WDR49: variants seen among roughly 807,000 people sequenced by gnomAD.
WDR49 encodes the protein cilia- and flagella-associated protein 337.
A neutral mutation model predicts 119.5 loss-of-function variants in WDR49; 107 were observed. That is an observed-to-expected ratio of 0.90 (90% CI 0.77 to 1.05). The LOEUF (loss-of-function observed/expected upper bound fraction) is 1.05, where lower values mean the gene tolerates loss of function less well. Ranked by LOEUF, WDR49 falls within the 50% of genes least tolerant of loss-of-function variation. The probability of loss-of-function intolerance (pLI) is 0.00; values close to 1 mark genes in which losing one functional copy is unlikely to be tolerated. For synonymous variants in WDR49, 425 were observed against 418.8 expected (o/e 1.01, Z -0.18); for missense variants, 1,240 against 1,220.5 (o/e 1.02, Z -0.24).
intron 3 of WDR49, among the ~76,000 whole-genome samples, chr3:167,624,721 C>T (rs931331245): frequency 2.0e-5 from 3 of 152,020 alleles, no homozygotes; most frequent in Admixed American, 1.3e-4. Flanking sequence ...TAGTTCAGTG[C>T]TGAAAAGAAG....
chr3:167,572,493 A>C (rs1482767138), intron 8 of WDR49, among the ~76,000 whole-genome samples: 1 of 152,238 alleles, frequency 6.6e-6, no homozygotes, highest in African/African-American at 2.4e-5. Context: ...ATGTTCAAGA[A>C]AGACACCAAG....
intron 2 of WDR49, among the ~76,000 whole-genome samples, chr3:167,635,835 A>G (rs1717590938): frequency 6.6e-6 from 1 of 151,742 alleles, no homozygotes; most frequent in Non-Finnish European, 1.5e-5. Context: ...ATTAATAAAT[A>G]CATATTAAAG....
Position 167,478,984 on chromosome 3 carries a change from A to G in WDR49, c.3044T>C (p.Val1015Ala), listed in dbSNP as rs761148435. Residue 1015 changes from valine (V) to alanine (A), a missense_variant, in exon 19 of 19, where the codon GTA (valine) becomes GCA (alanine). Physicochemically the swap from Val to Ala is moderately conservative, Grantham distance 64 (BLOSUM62 0). Coordinates refer to ENST00000682715, the MANE Select transcript of WDR49 (RefSeq NM_001366157.1). ...GGGAAACAGGTTTTTCTCATCAAAT[A>G]CAGCTTTCAAAGCTACAAAATGATG... ...APSLFKTLKA[V>A]FDEKNLFPKE... 7.5e-6 allele frequency: 12 copies of G among 1,603,116 alleles called. No individual in the cohort carries two copies. The highest frequency in any genetic ancestry group is 5.7e-5 in the South Asian group (5 of 88,354).
chr3:167,550,978 T>G (rs1260802791), intron 10 of WDR49, among the ~76,000 whole-genome samples: 1 of 151,958 alleles, frequency 6.6e-6, no homozygotes, highest in Non-Finnish European at 1.5e-5. Flanking sequence ...TTCAACCAGG[T>G]ATTTGTGAAT....
Position 167,500,230 on chromosome 3 carries a change from A to C in WDR49, c.2954T>G (p.Leu985Arg), listed in dbSNP as rs1560252780. 8 of 1,605,652 alleles carry C rather than the reference A, an allele frequency of 5.0e-6. No homozygotes were observed. Among genetic ancestry groups the C allele is most frequent in the Non-Finnish European group, 6.8e-6 (8 of 1,177,688 alleles). The change falls in exon 18 of 19, where the codon CTA (leucine) becomes CGA (arginine). Residue 985 changes from leucine (L) to arginine (R), a missense_variant. Physicochemically the swap from Leu to Arg is moderately radical, Grantham distance 102. Coordinates refer to ENST00000682715, the MANE Select transcript of WDR49 (RefSeq NM_001366157.1). The part of the protein sequence containing the change: ...LPEVNKPAFL[L>R]DPEKYFRKEP... ...TTTCCTAAAGTATTTCTCAGGGTCT[A>C]GAAGGAAAGCAGGTTTATTCACTTC...
intron 10 of WDR49, among the ~76,000 whole-genome samples, chr3:167,549,718 T>C (rs2108261631): frequency 6.6e-6 from 1 of 152,324 alleles, no homozygotes; most frequent in Non-Finnish European, 1.5e-5. Flanking sequence ...TTTGTCAATT[T>C]TGGCTTTTGT....
At chr3:167,582,969 T>TACACAC (rs142100499) in intron 7 of WDR49, among the ~76,000 whole-genome samples, 4 of 137,606 alleles carry the variant, frequency 2.9e-5, no homozygotes, top group East Asian at 4.2e-4. Context: ...CACACACACA[T>TACACAC]ACACACACAC....
At chr3:167,540,496 C>G (rs1222172076) in intron 10 of WDR49, among the ~76,000 whole-genome samples, 1 of 152,080 alleles carries the variant, frequency 6.6e-6, no homozygotes, top group Non-Finnish European at 1.5e-5. Flanking sequence ...GGGGAAGGGA[C>G]AGTGCACCAC....
intron 8 of WDR49, among the ~76,000 whole-genome samples, chr3:167,572,781 G>C (rs963066460): frequency 1.2e-4 from 19 of 152,220 alleles, no homozygotes; most frequent in Admixed American, 1.2e-3. Context: ...AGAAGTAAGT[G>C]TGGGTTGAGA....
Position 167,576,147 on chromosome 3 carries a change from A to C in WDR49, c.1280T>G (p.Leu427Trp). The change falls in exon 8 of 19, where the codon TTG becomes TGG. Residue 427 changes from leucine (L) to tryptophan (W), a missense_variant. By Grantham distance (61) the Leu-to-Trp change is moderately conservative (BLOSUM62 -2). Transcript: ENST00000682715. ...QLFSFSKDKVLRLWDIQHQLS... is the reference protein window; with the variant it reads ...QLFSFSKDKVWRLWDIQHQLS... Reference sequence around the variant, plus strand: ...CTGGTGTTGAATATCCCAGAGTCTCAAAACCTGGATGAAAAGTGATAAAAT... The same window carrying C: ...CTGGTGTTGAATATCCCAGAGTCTCCAAACCTGGATGAAAAGTGATAAAAT... 1 of 1,612,812 alleles carries C rather than the reference A, an allele frequency of 6.2e-7. No homozygotes were observed. The highest frequency in any genetic ancestry group is 8.5e-7 in the Non-Finnish European group (1 of 1,179,360).
chr3:167,483,898 TCATTAA>T (rs756371527), intron 18 of WDR49, among the ~76,000 whole-genome samples: 2 of 152,220 alleles, frequency 1.3e-5, no homozygotes, highest in South Asian at 2.1e-4. Flanking sequence ...AAAAATGATG[TCATTAA>T]CTTAACATCT....
At chr3:167,609,314 G>T (rs1464485030) in intron 5 of WDR49, among the ~76,000 whole-genome samples, 2 of 152,138 alleles carry the variant, frequency 1.3e-5, no homozygotes, top group Non-Finnish European at 2.9e-5. Flanking sequence ...AAAAAAAACA[G>T]TACTGAATCA....
At chr3:167,528,871 T>A (rs1449897577) in intron 14 of WDR49, among the ~76,000 whole-genome samples, 181 bp downstream of exon 14, 1 of 152,126 alleles carries the variant, frequency 6.6e-6, no homozygotes, top group Non-Finnish European at 1.5e-5. Context: ...AAAAACATGA[T>A]TTTCCTCATT....
chr3:167,593,859 G>T (rs368795101), intron 7 of WDR49, among the ~76,000 whole-genome samples: 1 of 152,096 alleles, frequency 6.6e-6, no homozygotes, highest in Admixed American at 6.6e-5. Flanking sequence ...CCCCCATGCT[G>T]TTCTCATGAT....
upstream of WDR49, among the ~76,000 whole-genome samples, chr3:167,657,021 C>T (rs561682800): frequency 3.3e-5 from 5 of 152,102 alleles, no homozygotes; most frequent in African/African-American, 7.2e-5. Flanking sequence ...TTCTCCCCAC[C>T]GAATAGACAC....
At chr3:167,530,155 T>G (rs1248479437) in intron 13 of WDR49, among the ~76,000 whole-genome samples, 1 of 152,130 alleles carries the variant, frequency 6.6e-6, no homozygotes, top group Non-Finnish European at 1.5e-5. Flanking sequence ...CATCCCAGAA[T>G]GTTTTTAAAC....
intron 3 of WDR49, 90 bp from the exon 4 acceptor site, chr3:167,621,733 A>G: frequency 8.0e-7 from 1 of 1,242,722 alleles, no homozygotes; most frequent in Admixed American, 2.6e-5. Flanking sequence ...TAATTGCCAA[A>G]TCAGACTTTG....
intron 8 of WDR49, among the ~76,000 whole-genome samples, chr3:167,574,245 A>G (rs1714110051): frequency 6.6e-6 from 1 of 152,228 alleles, no homozygotes; most frequent in South Asian, 2.1e-4. Flanking sequence ...ATAGTTTATT[A>G]TCTCTAATTC....
Position 167,602,172 on chromosome 3 carries a change from T to C in WDR49, c.1230A>G (p.Gln410=). The change falls in exon 7 of 19, where the codon CAA becomes CAG. Residue 410 remains glutamine (Q), a synonymous_variant. Coordinates refer to ENST00000682715, the MANE Select transcript of WDR49 (RefSeq NM_001366157.1). The part of the protein sequence containing the change: ...WGHSASVIAV[Q]FFVERKQLFS... The stretch of plus-strand genomic sequence containing the variant: ...AAAGTTGTTTTCTTTCCACAAAGAA[T>C]TGGACGGCTATTACACTGGCTGAGT... 6.2e-7 allele frequency: 1 copy of C among 1,603,484 alleles called. No homozygotes were observed. Among genetic ancestry groups the C allele is most frequent in the Non-Finnish European group, 8.5e-7 (1 of 1,172,498 alleles).
Sources: allele counts gnomAD v4.1 joint callset (sites outside exome capture counted in the v4.1 genomes callset), GRCh38; gene constraint gnomAD v4.1.1; transcripts MANE v1.5; gene names NCBI Gene and HGNC (gene_info 2026-07-23, HGNC 2026-07-21).